Variants in KLHL7 observed in about 807,000 individuals in gnomAD.
KLHL7 encodes kelch like family member 7, also known as kelch-like protein 7.
Under a neutral mutation model 67.4 loss-of-function variants are expected in KLHL7, and 44 were observed. The observed-to-expected ratio is 0.65, with a 90% CI of 0.51 to 0.84. The LOEUF (loss-of-function observed/expected upper bound fraction) is 0.84. KLHL7 is among the 40% of genes least tolerant of loss of function. The pLI is 0.00. For missense variants in KLHL7, 362 were observed against 718.1 expected (o/e 0.50, Z 5.67); for synonymous variants, 252 against 243.3 (o/e 1.04, Z -0.33).
intron 6 of KLHL7, among the ~76,000 whole-genome samples, chr7:23,144,959 G>A (rs552006303): frequency 5.3e-5 from 8 of 151,760 alleles, no homozygotes; most frequent in Admixed American, 2.0e-4. Flanking sequence ...CTAGCCGGGC[G>A]TGGAGGCATG....
chr7:23,115,187 A>G (rs941486392), intron 1 of KLHL7, among the ~76,000 whole-genome samples: 11 of 152,196 alleles, frequency 7.2e-5, no homozygotes, highest in Non-Finnish European at 1.5e-4. Flanking sequence ...TTGATGCCAC[A>G]CTTTCCGGTA....
chr7:23,169,528 C>G (rs1785096132), intron 9 of KLHL7, among the ~76,000 whole-genome samples: 1 of 152,044 alleles, frequency 6.6e-6, no homozygotes, highest in South Asian at 2.1e-4. Flanking sequence ...AGTTGGAAAA[C>G]TGATTCATTC....
At position 23,176,211 on chromosome 7, in the gene KLHL7, A is replaced by C. The variant is rs540583502; in HGVS notation, c.*1913A>C. The C allele has an allele frequency of 3.9e-5, 6 of 152,212 alleles. No individual in the cohort carries two copies. Among genetic ancestry groups the C allele is most frequent in the African/African-American group, 1.4e-4 (6 of 41,538 alleles). The allele number at this position is 152,212 out of a possible 1,614,324, so 9.4% of individuals were successfully genotyped here. On this transcript the variant is annotated 3_prime_UTR_variant, in exon 11 of 11. Transcript: ENST00000339077. ...TTCAGGAAGCCAGCACTCCTAAATC[A>C]AGTTGTCAGCAGGGTTAGTTCCTTC...
intron 9 of KLHL7, among the ~76,000 whole-genome samples, chr7:23,171,979 G>A (rs1785177609): frequency 1.3e-5 from 2 of 152,194 alleles, no homozygotes; most frequent in East Asian, 1.9e-4. Context: ...AACGTGGTGG[G>A]ATTACAGGCG....
At chr7:23,142,489 A>G (rs1784221073) in intron 5 of KLHL7, among the ~76,000 whole-genome samples, 1 of 152,122 alleles carries the variant, frequency 6.6e-6, no homozygotes, top group African/African-American at 2.4e-5. Context: ...CATGATCAAA[A>G]TTGGTTGACT....
chr7:23,109,029 T>C (rs1046412595), intron 1 of KLHL7, among the ~76,000 whole-genome samples: 1 of 152,244 alleles, frequency 6.6e-6, no homozygotes, highest in Non-Finnish European at 1.5e-5. Flanking sequence ...TGCATATGTA[T>C]GTATTAATAT....
At chr7:23,124,889 G>A (rs765041293) in intron 3 of KLHL7, 108 bp downstream of exon 3, 13 of 1,116,098 alleles carry the variant, frequency 1.2e-5, no homozygotes, top group South Asian at 6.5e-5. Flanking sequence ...ATGAAAAACC[G>A]CAAGGATGGA....
At chr7:23,173,108 T>C (rs1205305004) in intron 10 of KLHL7, 63 bp downstream of exon 10, 8 of 1,106,058 alleles carry the variant, frequency 7.2e-6, no homozygotes, top group South Asian at 3.7e-5. Flanking sequence ...CCTTAAATTA[T>C]TGAAGCATTT....
At chr7:23,137,109 A>C (rs573013933) in intron 4 of KLHL7, among the ~76,000 whole-genome samples, 1 of 152,326 alleles carries the variant, frequency 6.6e-6, no homozygotes, top group South Asian at 2.1e-4. Context: ...ACATGGGGAA[A>C]TCGCATCTCT....
chr7:23,144,596 G>C (rs1051335731), intron 6 of KLHL7, among the ~76,000 whole-genome samples: 1 of 152,164 alleles, frequency 6.6e-6, no homozygotes, highest in Non-Finnish European at 1.5e-5. Context: ...CTGAGGCACA[G>C]TTCTTGTCCT....
rs116098157 is a variant in KLHL7 at position 23,154,461 on chromosome 7, C to A, written c.936+2252C>A. Among the ~76,000 whole-genome samples, 855 of 152,314 alleles carry A rather than the reference C, an allele frequency of 5.6e-3. 3 individuals carry two copies. The highest frequency in any genetic ancestry group is 0.02 in the African/African-American group (820 of 41,560). ...ACCTCTGCTCTAGACCTAAGAACAT[C>A]TAGGGACTTTGAAGCAATCAGCACT... On this transcript the variant is annotated intron_variant, in intron 7 of 10. Transcript: ENST00000339077.
intron 4 of KLHL7, among the ~76,000 whole-genome samples, chr7:23,140,427 A>C (rs980464391): frequency 6.6e-6 from 1 of 152,154 alleles, no homozygotes; most frequent in Non-Finnish European, 1.5e-5. Context: ...CGTGGTGGCG[A>C]GCACCTGTAG....
chr7:23,128,350 T>C (rs1981665), intron 4 of KLHL7, among the ~76,000 whole-genome samples: 65,196 of 145,338 alleles, frequency 0.45, 15,632 homozygotes, highest in African/African-American at 0.65. Flanking sequence ...GGAACTGCAG[T>C]GTGAGGTAGG....
At chr7:23,142,077 C>A (rs1258164921) in intron 5 of KLHL7, among the ~76,000 whole-genome samples, 1 of 151,936 alleles carries the variant, frequency 6.6e-6, no homozygotes, top group East Asian at 1.9e-4. Flanking sequence ...TGCCACCACA[C>A]CCTGCTAATT....
At chr7:23,172,704 A>C (rs544007336) in intron 9 of KLHL7, 1 of 357,970 alleles carries the variant, frequency 2.8e-6, no homozygotes, top group African/African-American at 2.1e-5. Context: ...TTTAATAGAT[A>C]TCCTCATTTT....
chr7:23,124,181 A>T (rs1562558644), intron 2 of KLHL7, among the ~76,000 whole-genome samples: 1 of 102,466 alleles, frequency 9.8e-6, no homozygotes, highest in African/African-American at 4.1e-5. Flanking sequence ...TCAGAGCGAG[A>T]CTCTGTCTCA....
rs555703195 is a variant in KLHL7, at chr7:23,118,084, T to C, written c.121-5693T>C. On this transcript the variant is annotated intron_variant, in intron 1 of 10. Transcript: ENST00000339077. ...TTAAAAGCTAATCCTCATACAGTGC[T>C]TTAGCACTTACATGGACCCAACTGC... is the stretch of plus-strand genomic sequence containing the variant. The C allele has an allele frequency of 3.3e-4, 415 of 1,258,056 alleles. 4 individuals carry two copies. The South Asian group carries it at 4.5e-3, about 14-fold the overall frequency. 77.9% of individuals were successfully genotyped at this position (1,258,056 alleles called of 1,614,324 possible).
At chr7:23,173,626 C>A (rs1301766937) in intron 10 of KLHL7, among the ~76,000 whole-genome samples, 3 of 152,174 alleles carry the variant, frequency 2.0e-5, no homozygotes, top group Non-Finnish European at 2.9e-5. Context: ...CCAGTAACTT[C>A]TTTTCCTTCT....
At chr7:23,124,993 C>T (rs893530608) in intron 3 of KLHL7, 55 bp from the exon 4 acceptor site, 1 of 1,508,450 alleles carries the variant, frequency 6.6e-7, no homozygotes, top group African/African-American at 1.4e-5. Context: ...TCCACAGTAA[C>T]ATTTAAATAA....
Sources: allele counts gnomAD v4.1 joint callset (sites outside exome capture counted in the v4.1 genomes callset), GRCh38; gene constraint gnomAD v4.1.1; transcripts MANE v1.5; gene names NCBI Gene and HGNC (gene_info 2026-07-23, HGNC 2026-07-21).